KDM6B: variants seen among roughly 807,000 people sequenced by gnomAD.
The protein encoded by KDM6B is lysine demethylase 6B, also known as lysine-specific demethylase 6B.
In KDM6B, 22 loss-of-function variants were observed where a neutral mutation model predicts 150.4. The observed-to-expected ratio is 0.15, with a 90% CI of 0.10 to 0.21. The LOEUF (loss-of-function observed/expected upper bound fraction) is 0.21, where lower values mean the gene tolerates loss of function less well. KDM6B is among the 10% of genes least tolerant of loss of function. The probability of loss-of-function intolerance (pLI) is 1.00; values close to 1 mark genes in which losing one functional copy is unlikely to be tolerated. For synonymous variants in KDM6B, 1,148 were observed against 921.1 expected, an observed-to-expected ratio of 1.25 and a Z score of -4.46; for missense variants, 1,984 against 2,234.3, an observed-to-expected ratio of 0.89 and a Z score of 2.26.
Position 7,843,718 on chromosome 17 carries a change from C to T in KDM6B, c.-268-1183C>T, listed in dbSNP as rs898529796. 3.9e-5 allele frequency among the ~76,000 whole-genome samples: 6 copies of T among 152,104 alleles called. No homozygotes were observed. Among genetic ancestry groups the T allele is most frequent in the African/African-American group, 1.4e-4 (6 of 41,436 alleles). On this transcript the variant is annotated intron_variant, in intron 2 of 23. Transcript: ENST00000448097. The surrounding 1 kb of genome is among the most constrained non-coding windows in gnomAD (Gnocchi z 4.5). The stretch of plus-strand genomic sequence containing the variant: ...CCGCGGCTTTGTACTCGACACTCGC[C>T]TCTCGCTGCTCTTTGTACTCTAGAC...
Position 7,846,426 on chromosome 17 carries a change from C to T in KDM6B, c.483C>T (p.Gly161=), listed in dbSNP as rs571482239. The T allele has an allele frequency of 2.9e-5, 46 of 1,581,122 alleles. 1 individual carries two copies. The African/African-American group carries it at 5.1e-4, about 17-fold the overall frequency. The change falls in exon 8 of 24, where the codon GGC becomes GGT. Residue 161 remains glycine, a synonymous_variant. Transcript: ENST00000448097. The stretch of plus-strand genomic sequence containing the variant: ...CCCAGCTCTGGAACTTTCATACTGG[C>T]TCCTGCCAGCACCGAGCCAAGGTCC... ...QQAQLWNFHT[G]SCQHRAKVLP...
chr17:7,847,059 C>T (rs1345166910), intron 10 of KDM6B, 43 bp downstream of exon 10: 5 of 1,610,962 alleles, frequency 3.1e-6, no homozygotes, highest in Non-Finnish European at 4.2e-6. Context: ...CCTACAAGTC[C>T]CACGCTCTCT....
intron 1 of KDM6B, among the ~76,000 whole-genome samples, chr17:7,836,030 C>T (rs1215977750): frequency 2.0e-5 from 3 of 152,236 alleles, no homozygotes; most frequent in Admixed American, 6.5e-5. Flanking sequence ...CCCATCTGCT[C>T]GGCCGCTGCC....
Position 7,852,173 on chromosome 17 carries a change from T to A in KDM6B, c.4305T>A (p.Gly1435=). Residue 1435 remains glycine, a synonymous_variant, in exon 20 of 24, where the codon GGT becomes GGA. Coordinates refer to ENST00000448097, the MANE Select transcript of KDM6B (RefSeq NM_001348716.2). ...GGCACGGCGTGGACTACTTGACGGG[T>A]TCCTGGTGGCCAATCCTGGATGATC... ...CDRHGVDYLT[G]SWWPILDDLY... 1 of 1,614,098 alleles carries A rather than the reference T, an allele frequency of 6.2e-7. No individual in the cohort carries two copies. The highest frequency in any genetic ancestry group is 1.1e-5 in the South Asian group (1 of 91,088).
Position 7,845,359 on chromosome 17 carries a change from A to C in KDM6B, c.-103A>C. On this transcript the variant is annotated 5_prime_UTR_variant, in exon 4 of 24. Coordinates refer to ENST00000448097, the MANE Select transcript of KDM6B (RefSeq NM_001348716.2). ...AGGCAGCCATCTGGGGGTAGCGGGC[A>C]CTCTTATCAGAGCGGCTGGAGCCGG... 4 of 690,578 alleles carry C rather than the reference A, an allele frequency of 5.8e-6. No individual in the cohort carries two copies. Among genetic ancestry groups the C allele is most frequent in the Non-Finnish European group, 1.0e-5 (4 of 383,554 alleles). 42.8% of individuals were successfully genotyped at this position (690,578 alleles called of 1,614,324 possible).
intron 7 of KDM6B, 36 bp downstream of exon 7, chr17:7,846,333 C>T (rs527353257): frequency 5.5e-5 from 87 of 1,590,282 alleles, no homozygotes; most frequent in South Asian, 1.6e-4. Context: ...CGGGATTGTA[C>T]GATTGTGCCT....
rs765040391 is a variant in KDM6B at position 7,848,913 on chromosome 17, C to A, written c.2625C>A (p.Gly875=). 3.1e-6 allele frequency: 5 copies of A among 1,603,208 alleles called. No homozygotes were observed. The highest frequency in any genetic ancestry group is 3.4e-6 in the Non-Finnish European group (4 of 1,173,620). The change falls in exon 12 of 24, where the codon GGC becomes GGA. Residue 875 remains glycine (G), a synonymous_variant. Transcript: ENST00000448097. ...CGTCATCTCAGTTCTCTACCTCAGG[C>A]GGGCCCTGGGCCCGGGAGCGCAGGG... ...ASSSSQFSTS[G]GPWARERRAG...
Position 7,848,791 on chromosome 17 carries a change from A to G in KDM6B, c.2503A>G (p.Thr835Ala), listed in dbSNP as rs1357397180. The change falls in exon 12 of 24, where the codon ACT becomes GCT. Residue 835 changes from threonine to alanine, a missense_variant. Thr to Ala is a moderately conservative substitution (Grantham distance 58). This residue lies in a region of KDM6B where 1,379 missense variants were observed against 1,275.6 expected (regional missense o/e 1.08). Coordinates refer to ENST00000448097, the MANE Select transcript of KDM6B (RefSeq NM_001348716.2). ...VSTRPGPLPT[T>A]QYSPGPPSGA... ...CACCCGGCCTGGGCCCTTGCCCACC[A>G]CTCAGTATTCCCCTGGCCCCCCATC... The G allele has an allele frequency of 6.2e-7, 1 of 1,612,478 alleles. No individual in the cohort carries two copies. Among genetic ancestry groups the G allele is most frequent in the Admixed American group, 1.7e-5 (1 of 59,996 alleles).
At chr17:7,852,675 C>G (rs1360641917) in intron 21 of KDM6B, 39 bp downstream of exon 21, 16 of 1,613,036 alleles carry the variant, frequency 9.9e-6, no homozygotes, top group Non-Finnish European at 1.3e-5. Context: ...CCTCCACTGA[C>G]TGGTCCCTTT....
At chr17:7,842,872 G>T (rs2078446237) in intron 2 of KDM6B, among the ~76,000 whole-genome samples, 1 of 151,998 alleles carries the variant, frequency 6.6e-6, no homozygotes, top group Admixed American at 6.6e-5. Context: ...TACGGGGGGC[G>T]GGGGGGCGAG....
chr17:7,837,914 G>A (rs2078355480), intron 1 of KDM6B, among the ~76,000 whole-genome samples: 1 of 151,870 alleles, frequency 6.6e-6, no homozygotes, highest in South Asian at 2.1e-4. Flanking sequence ...TGGAGATTGG[G>A]GTTAGGGGGC....
chr17:7,835,789 C>G (rs989682994), intron 1 of KDM6B, among the ~76,000 whole-genome samples: 41 of 151,396 alleles, frequency 2.7e-4, no homozygotes, highest in African/African-American at 9.5e-4. Context: ...CCCCCTTGCG[C>G]CTGCGCGGCG....
At chr17:7,835,916 A>G (rs1042431722) in intron 1 of KDM6B, among the ~76,000 whole-genome samples, 6 of 152,126 alleles carry the variant, frequency 3.9e-5, no homozygotes, top group Non-Finnish European at 8.8e-5. Context: ...GGTCGCGACC[A>G]TAATGCCCAG....
intron 23 of KDM6B, 59 bp downstream of exon 23, chr17:7,853,439 C>G: frequency 6.6e-7 from 1 of 1,523,936 alleles, no homozygotes; most frequent in Non-Finnish European, 8.8e-7. Context: ...GCTGCAGGGA[C>G]GGGCTTCGGG....
intron 1 of KDM6B, among the ~76,000 whole-genome samples, chr17:7,835,711 T>G (rs1020956061): frequency 1.3e-5 from 2 of 152,046 alleles, no homozygotes; most frequent in African/African-American, 4.8e-5. Context: ...AGCAGCTGCC[T>G]GGGACCCGCA....
At chr17:7,849,992 C>T in intron 13 of KDM6B, 45 bp downstream of exon 13, 1 of 1,613,588 alleles carries the variant, frequency 6.2e-7, no homozygotes, top group South Asian at 1.1e-5. Context: ...CCAGAGGGTT[C>T]TAAGACAGTG....
chr17:7,834,833 G>C (rs1463177786), intron 1 of KDM6B, among the ~76,000 whole-genome samples: 1 of 152,034 alleles, frequency 6.6e-6, no homozygotes, highest in African/African-American at 2.4e-5. Flanking sequence ...TCCCACCAGC[G>C]GCCCCGAGAG....
chr17:7,845,807 C>G (rs2078520775), intron 5 of KDM6B, 65 bp from the exon 6 acceptor site: 42 of 1,585,646 alleles, frequency 2.6e-5, no homozygotes, highest in Non-Finnish European at 3.5e-5. Flanking sequence ...CATCAGCCCC[C>G]TCCTGCCTAG....
At chr17:7,850,816 G>C (rs1189750123) in intron 14 of KDM6B, among the ~76,000 whole-genome samples, 1 of 152,254 alleles carries the variant, frequency 6.6e-6, no homozygotes, top group Non-Finnish European at 1.5e-5. Context: ...GCAGGAGAAA[G>C]AGGGCTGGTG....
Sources: gnomAD v4.1 joint callset for allele counts (sites outside exome capture counted in the v4.1 genomes callset) on GRCh38, gnomAD v4.1.1 for gene constraint, gnomAD v4.1.1 regional missense constraint, Gnocchi (gnomAD v3.1) non-coding constraint, MANE v1.5 for transcripts, NCBI Gene and HGNC (gene_info 2026-07-23, HGNC 2026-07-21) for gene names.